Variants in OTOG observed in about 807,000 individuals in gnomAD.
The protein encoded by OTOG is otogelin.
In OTOG, 296 loss-of-function variants were observed where a neutral mutation model predicts 313.8. The observed-to-expected ratio is 0.94, with a 90% CI of 0.86 to 1.04. The LOEUF (loss-of-function observed/expected upper bound fraction) is 1.04, where lower values mean the gene tolerates loss of function less well. Ranked by LOEUF, OTOG falls within the 50% of genes least tolerant of loss-of-function variation. The probability of loss-of-function intolerance (pLI) is 0.00; values close to 1 mark genes in which losing one functional copy is unlikely to be tolerated. For missense variants in OTOG, 3,948 were observed against 3,840.1 expected (o/e 1.03, Z -0.74); for synonymous variants, 1,533 against 1,554.9 (o/e 0.99, Z 0.33).
At chr11:17,638,822 G>C in intron 48 of OTOG, 1 of 1,416,468 alleles carries the variant, frequency 7.1e-7, no homozygotes, top group East Asian at 3.5e-5. Flanking sequence ...CTGCGGCCGG[G>C]CACGGTGGCT....
chr11:17,547,652 C>T (rs1335966438), intron 1 of OTOG, 186 bp downstream of exon 1: 2 of 1,133,808 alleles, frequency 1.8e-6, no homozygotes, highest in Non-Finnish European at 2.2e-6. Context: ...AGGCCTATGA[C>T]CGCGGGGGAA....
At position 17,645,925 on chromosome 11, in the gene OTOG, G is replaced by C. The variant is rs150663245; in HGVS notation, c.8723G>C (p.Cys2908Ser). ...TATACAGTGCAGGAGCCCACCGACT[G>C]TGCCTGCCAGTGGTCCTGAGGCCTG... ...VPYTVQEPTD[C>S]ACQWS Residue 2908 changes from cysteine to serine, a missense_variant, in exon 56 of 56, where the codon TGT becomes TCT. Coordinates refer to ENST00000399397, the MANE Select transcript of OTOG (RefSeq NM_001292063.2). 17 of 1,549,508 alleles carry C rather than the reference G, an allele frequency of 1.1e-5. No homozygotes were observed. In the Admixed American group the frequency reaches 2.0e-4, roughly 18 times the overall value.
At position 17,586,514 on chromosome 11, in the gene OTOG, T is replaced by C. The variant is rs1852797866; in HGVS notation, c.2800T>C (p.Cys934Arg). ...GGATGCATGTTTCCTGCCAGAGGAG[T>C]GCCCCTGCACTTGGAAGGGGAAGGA... is the stretch of plus-strand genomic sequence containing the variant. ...HGDACFLPEE[C>R]PCTWKGKEYF... is the part of the protein sequence containing the mutation. The change falls in exon 24 of 56, where the codon TGC becomes CGC. Residue 934 changes from cysteine (C) to arginine (R), a missense_variant. Cys to Arg is a radical substitution (Grantham distance 180). Transcript: ENST00000399397. 3 of 1,450,272 alleles carry C rather than the reference T, an allele frequency of 2.1e-6. No homozygotes were observed. The highest frequency in any genetic ancestry group is 3.0e-5 in the South Asian group (2 of 67,530). 89.8% of individuals were successfully genotyped at this position (1,450,272 alleles called of 1,614,324 possible).
intron 30 of OTOG, among the ~76,000 whole-genome samples, chr11:17,599,048 G>T (rs2134069785): frequency 6.6e-6 from 1 of 152,342 alleles, no homozygotes; most frequent in South Asian, 2.1e-4. Context: ...GGGGTCTCCT[G>T]CAAGGTCCCA....
At chr11:17,609,330 T>G in intron 35 of OTOG, 121 bp downstream of exon 35, 2 of 891,288 alleles carry the variant, frequency 2.2e-6, no homozygotes, top group Non-Finnish European at 3.5e-6. Flanking sequence ...CAGGGACCTT[T>G]GGAAAGAGGC....
At chr11:17,630,894 C>A (rs921403217) in intron 40 of OTOG, among the ~76,000 whole-genome samples, 1 of 152,122 alleles carries the variant, frequency 6.6e-6, no homozygotes, top group African/African-American at 2.4e-5. Flanking sequence ...TAAACTTCAC[C>A]CTTGCCCCCA....
intron 12 of OTOG, 101 bp downstream of exon 12, chr11:17,559,763 G>T: frequency 1.5e-5 from 6 of 395,718 alleles, no homozygotes; most frequent in Admixed American, 2.9e-5. Flanking sequence ...TGGAAGGAAG[G>T]AAGGAAAGGA....
intron 42 of OTOG, among the ~76,000 whole-genome samples, chr11:17,633,088 A>G (rs2133706005): frequency 1.3e-5 from 2 of 152,372 alleles, no homozygotes; most frequent in Admixed American, 1.3e-4. Context: ...GAAATCACTC[A>G]GACAACTTGA....
At chr11:17,550,216 A>G (rs924918523) in intron 3 of OTOG, among the ~76,000 whole-genome samples, 1 of 152,212 alleles carries the variant, frequency 6.6e-6, no homozygotes, top group African/African-American at 2.4e-5. Flanking sequence ...TCAAGATATC[A>G]TTTATGTTCA....
chr11:17,556,005 C>A, intron 7 of OTOG, 108 bp downstream of exon 7: 1 of 851,026 alleles, frequency 1.2e-6, no homozygotes. Flanking sequence ...TTTCTGGGGA[C>A]AAACAGCAAT....
At chr11:17,566,134 C>T (rs1319628976) in intron 15 of OTOG, among the ~76,000 whole-genome samples, 2 of 152,066 alleles carry the variant, frequency 1.3e-5, no homozygotes, top group Non-Finnish European at 2.9e-5. Context: ...TGTTCCAGCA[C>T]CCCACTCCCC....
chr11:17,564,119 T>G (rs1311901135), intron 15 of OTOG, among the ~76,000 whole-genome samples: 1 of 152,094 alleles, frequency 6.6e-6, no homozygotes, highest in African/African-American at 2.4e-5. Context: ...CCAGCTCTCC[T>G]CCTTGTGACT....
At chr11:17,595,541 G>C (rs941780728) in intron 28 of OTOG, among the ~76,000 whole-genome samples, 2 of 152,238 alleles carry the variant, frequency 1.3e-5, no homozygotes, top group Non-Finnish European at 2.9e-5. Context: ...CAAGGTGTCA[G>C]CTAGGGCTGG....
chr11:17,611,514 C>A, intron 36 of OTOG, 91 bp downstream of exon 36: 1 of 1,254,388 alleles, frequency 8.0e-7, no homozygotes, highest in Non-Finnish European at 1.1e-6. Context: ...TAGTCGCTAT[C>A]CTCATACCTG....
Position 17,573,192 on chromosome 11 carries a change from G to A in OTOG, c.2195G>A (p.Cys732Tyr). 2 of 1,539,904 alleles carry A rather than the reference G, an allele frequency of 1.3e-6. No homozygotes were observed. Among genetic ancestry groups the A allele is most frequent in the Non-Finnish European group, 1.7e-6 (2 of 1,146,792 alleles). ...CAGTGCCGCAGGGATGCCTGCCGCT[G>A]CGGGCAGCCCTGCCTGTGCGCCACA... ...FEQCRRDACR[C>Y]GQPCLCATLA... The change falls in exon 19 of 56, where the codon TGC becomes TAC. Residue 732 changes from cysteine (C) to tyrosine (Y), a missense_variant. Transcript: ENST00000399397.
At chr11:17,613,195 T>TTTTCTTTCTTTC (rs1191747829) in intron 38 of OTOG, among the ~76,000 whole-genome samples, 3,889 of 64,406 alleles carry the variant, frequency 0.06, 251 homozygotes, top group East Asian at 0.084. Flanking sequence ...TCTTTCTTTC[T>TTTTCTTTCTTTC]TTTCTTTCTT....
intron 40 of OTOG, among the ~76,000 whole-genome samples, chr11:17,631,222 G>A (rs1854114209): frequency 6.6e-6 from 1 of 152,134 alleles, no homozygotes; most frequent in Middle Eastern, 3.2e-3. Context: ...AGCAATCACT[G>A]GTAAAGCAGA....
chr11:17,635,559 A>C, intron 46 of OTOG, 51 bp from the exon 47 acceptor site: 2 of 1,430,522 alleles, frequency 1.4e-6, no homozygotes, highest in Non-Finnish European at 1.9e-6. Flanking sequence ...GCTGTGTGCC[A>C]GGCCCCTATG....
At chr11:17,621,512 C>A (rs1853862839) in intron 39 of OTOG, among the ~76,000 whole-genome samples, 2 of 152,142 alleles carry the variant, frequency 1.3e-5, no homozygotes, top group Admixed American at 6.5e-5. Context: ...AGTTTTCTCA[C>A]CTGCATACAT....
Sources: allele counts gnomAD v4.1 joint callset (sites outside exome capture counted in the v4.1 genomes callset), GRCh38; gene constraint gnomAD v4.1.1; transcripts MANE v1.5; gene names NCBI Gene and HGNC (gene_info 2026-07-23, HGNC 2026-07-21).